Variants in ZNF292 observed in about 807,000 individuals in gnomAD.
ZNF292 encodes 16 zinc-finger domain protein.
ZNF292 carries 26 observed loss-of-function variants against 217.9 expected under a neutral mutation model. That is an observed-to-expected ratio of 0.12 (90% confidence interval 0.09 to 0.17). ZNF292 has a LOEUF of 0.17. Ranked by LOEUF, ZNF292 falls within the 10% of genes least tolerant of loss-of-function variation. The probability of loss-of-function intolerance (pLI) is 1.00; values close to 1 mark genes in which losing one functional copy is unlikely to be tolerated. For synonymous variants in ZNF292, 1,257 were observed against 1,124.1 expected (o/e 1.12, Z -2.37); for missense variants, 2,904 against 3,175.2 (o/e 0.91, Z 2.05).
chr6:87,201,295 GTTA>G (rs1772093221), intron 1 of ZNF292, among the ~76,000 whole-genome samples: 1 of 152,132 alleles, frequency 6.6e-6, no homozygotes, highest in Non-Finnish European at 1.5e-5. Flanking sequence ...TGTATCTGCA[GTTA>G]TTATTATCTT....
intron 1 of ZNF292, among the ~76,000 whole-genome samples, chr6:87,156,125 G>A (rs886284919): frequency 6.6e-6 from 1 of 152,218 alleles, no homozygotes. Flanking sequence ...TGTGCACTGG[G>A]GATTACCGCG....
At chr6:87,170,285 A>G (rs1338325137) in intron 1 of ZNF292, 3 of 151,968 alleles carry the variant, frequency 2.0e-5, no homozygotes, top group African/African-American at 7.3e-5. Flanking sequence ...TTGGCTTGGG[A>G]TTTTTTTTAA....
At chr6:87,215,500 A>G (rs548329229) in intron 1 of ZNF292, among the ~76,000 whole-genome samples, 1 of 152,268 alleles carries the variant, frequency 6.6e-6, no homozygotes, top group South Asian at 2.1e-4. Flanking sequence ...TTTGTTGTTC[A>G]ATATTGAATT....
chr6:87,225,803 A>G (rs1773318154), intron 4 of ZNF292, among the ~76,000 whole-genome samples: 1 of 152,200 alleles, frequency 6.6e-6, no homozygotes, highest in Non-Finnish European at 1.5e-5. Context: ...GAAGTAGAGT[A>G]GTAAGAGTAG....
chr6:87,227,222 A>G (rs1430612066), intron 4 of ZNF292, among the ~76,000 whole-genome samples: 1 of 152,178 alleles, frequency 6.6e-6, no homozygotes, highest in Non-Finnish European at 1.5e-5. Flanking sequence ...GGAAGTTACC[A>G]TGAGCAGTAG....
chr6:87,182,096 A>G (rs1771490022), intron 1 of ZNF292, among the ~76,000 whole-genome samples: 4 of 152,198 alleles, frequency 2.6e-5, no homozygotes, highest in Admixed American at 6.5e-5. Context: ...ACTCATATAC[A>G]GGGCATATTT....
intron 5 of ZNF292, among the ~76,000 whole-genome samples, chr6:87,239,312 C>G (rs1030802768): frequency 5.9e-5 from 9 of 151,552 alleles, no homozygotes; most frequent in African/African-American, 2.2e-4. Flanking sequence ...AGAGGCGCCC[C>G]CCCACCTCCT....
chr6:87,259,466 C>T lies in ZNF292; in HGVS notation c.5837C>T (p.Pro1946Leu). The T allele has an allele frequency of 1.3e-6, 2 of 1,588,544 alleles. No homozygotes were observed. The highest frequency in any genetic ancestry group is 1.7e-6 in the Non-Finnish European group (2 of 1,166,042). The change falls in exon 8 of 8, where the codon CCC (proline) becomes CTC (leucine). Residue 1946 changes from proline (P) to leucine (L), a missense_variant. By Grantham distance (98) the Pro-to-Leu change is moderately conservative (BLOSUM62 -3). Transcript: ENST00000369577. ...AAGAAGAATCAATTGAAATTTGCTCCCTTTAAATGTGTAGTACCTACATGT... is the reference window on the plus strand; with the variant it reads ...AAGAAGAATCAATTGAAATTTGCTCTCTTTAAATGTGTAGTACCTACATGT... ...EIKKNQLKFA[P>L]FKCVVPTCTK... is the part of the protein sequence containing the mutation.
rs1300403845 is a variant in ZNF292 at position 87,259,440 on chromosome 6, T to G, written c.5811T>G (p.Ile1937Met). The change falls in exon 8 of 8, where the codon ATT becomes ATG. Residue 1937 changes from isoleucine to methionine, a missense_variant. Physicochemically the swap from Ile to Met is conservative, Grantham distance 10. Coordinates refer to ENST00000369577, the MANE Select transcript of ZNF292 (RefSeq NM_015021.3). ...HQYTPEMILE[I>M]KKNQLKFAPF... The stretch of plus-strand genomic sequence containing the variant: ...ACACTCCAGAAATGATTCTTGAAAT[T>G]AAGAAGAATCAATTGAAATTTGCTC... 6.3e-7 allele frequency: 1 copy of G among 1,593,814 alleles called. No homozygotes were observed. Among genetic ancestry groups the G allele is most frequent in the East Asian group, 2.3e-5 (1 of 44,270 alleles).
Position 87,258,028 on chromosome 6 carries a change from C to G in ZNF292, c.4399C>G (p.Pro1467Ala), listed in dbSNP as rs1218441748. ...TGAAAATCGCTCGCCAGCATTTTTA[C>G]CAAATACATTTCCTCGATCTGGTGT... ...LAENRSPAFL[P>A]NTFPRSGVTN... is the part of the protein sequence containing the mutation. Residue 1467 changes from proline (P) to alanine (A), a missense_variant, in exon 8 of 8, where the codon CCA (proline) becomes GCA (alanine). Physicochemically the swap from Pro to Ala is conservative, Grantham distance 27. Around this residue, in one of 15 missense-constraint regions of ZNF292, gnomAD observed 622 missense variants for 573.1 expected, o/e 1.09. Coordinates refer to ENST00000369577, the MANE Select transcript of ZNF292 (RefSeq NM_015021.3). The G allele has an allele frequency of 6.2e-7, 1 of 1,613,842 alleles. No homozygotes were observed. Among genetic ancestry groups the G allele is most frequent in the Non-Finnish European group, 8.5e-7 (1 of 1,179,804 alleles).
At chr6:87,254,012 T>A (rs1042395192) in intron 7 of ZNF292, among the ~76,000 whole-genome samples, 48 of 152,360 alleles carry the variant, frequency 3.2e-4, no homozygotes, top group African/African-American at 1.1e-3. Flanking sequence ...CTCCTAATTC[T>A]TAAGCTGGTC....
At chr6:87,189,995 T>C (rs1771780314) in intron 1 of ZNF292, among the ~76,000 whole-genome samples, 1 of 152,246 alleles carries the variant, frequency 6.6e-6, no homozygotes, top group South Asian at 2.1e-4. Context: ...ATACCTTGGT[T>C]AATAATCCAA....
Position 87,209,111 on chromosome 6 carries a change from C to T in ZNF292, c.169-6792C>T, listed in dbSNP as rs559342646. Among the ~76,000 whole-genome samples the T allele has an allele frequency of 9.3e-5, 14 of 150,134 alleles. 1 individual carries two copies. In the East Asian group the frequency reaches 1.5e-3, roughly 17 times the overall value. ...ATTTTTAGCCCCACTTTCACCCCCC[C>T]CTCCCCATTTTCAGAGGCATCTAGT... On this transcript the variant is annotated intron_variant, in intron 1 of 7. Transcript: ENST00000369577.
Position 87,255,568 on chromosome 6 carries a change from G to A in ZNF292, c.1939G>A (p.Val647Met). The change falls in exon 8 of 8, where the codon GTG (valine) becomes ATG (methionine). Residue 647 changes from valine (V) to methionine (M), a missense_variant. Coordinates refer to ENST00000369577, the MANE Select transcript of ZNF292 (RefSeq NM_015021.3). ...KNSLYSTDFIVFNDNDGSDDE... is the reference protein window; with the variant it reads ...KNSLYSTDFIMFNDNDGSDDE... Reference sequence around the variant, plus strand: ...TAGTCTCTATTCAACAGATTTTATAGTGTTTAATGACAATGATGGTTCAGA... The same window carrying A: ...TAGTCTCTATTCAACAGATTTTATAATGTTTAATGACAATGATGGTTCAGA... 2 of 1,610,686 alleles carry A rather than the reference G, an allele frequency of 1.2e-6. No homozygotes were observed. The highest frequency in any genetic ancestry group is 1.7e-6 in the Non-Finnish European group (2 of 1,178,070).
intron 1 of ZNF292, among the ~76,000 whole-genome samples, chr6:87,193,041 G>T (rs1014430291): frequency 1.3e-5 from 2 of 152,154 alleles, no homozygotes; most frequent in African/African-American, 4.8e-5. Context: ...TGTCCCAGCT[G>T]GAGTGCAATG....
chr6:87,158,658 C>G (rs948609061), intron 1 of ZNF292, among the ~76,000 whole-genome samples: 5 of 152,088 alleles, frequency 3.3e-5, no homozygotes, highest in African/African-American at 9.7e-5. Flanking sequence ...GCCCGGGTGA[C>G]AGAGAAAGAT....
rs920560502 is a variant in ZNF292 at position 87,160,698 on chromosome 6, A to G, written c.168+4939A>G. On this transcript the variant is annotated intron_variant, in intron 1 of 7. Transcript: ENST00000369577. ...GATGTGTGTGTGTATATATATATAT[A>G]TAATTTTCTTAGTTCATATAAGCAG... 5.4e-5 allele frequency among the ~76,000 whole-genome samples: 7 copies of G among 129,314 alleles called. No homozygotes were observed. The East Asian group carries it at 6.7e-4, about 12-fold the overall frequency. 84.8% of individuals were successfully genotyped at this position (129,314 alleles called of 152,430 possible).
At chr6:87,187,714 CAA>C (rs10687268) in intron 1 of ZNF292, among the ~76,000 whole-genome samples, 15 of 96,644 alleles carry the variant, frequency 1.6e-4, no homozygotes, top group Middle Eastern at 5.6e-3. Context: ...GACTCTGCCT[CAA>C]AAAAAAAAAA....
intron 4 of ZNF292, among the ~76,000 whole-genome samples, chr6:87,221,615 C>T (rs1366998890): frequency 6.6e-6 from 1 of 152,150 alleles, no homozygotes; most frequent in East Asian, 1.9e-4. Context: ...AGATTGCCAT[C>T]ATGTCTACAC....
Sources: allele counts gnomAD v4.1 joint callset (sites outside exome capture counted in the v4.1 genomes callset), GRCh38; gene constraint gnomAD v4.1.1; regional missense constraint gnomAD v4.1.1; transcripts MANE v1.5; gene names NCBI Gene and HGNC (gene_info 2026-07-23, HGNC 2026-07-21).